GRIK4: variants seen among roughly 807,000 people sequenced by gnomAD.
GRIK4 encodes the protein glutamate ionotropic receptor kainate type subunit 4, also known as glutamate receptor ionotropic, kainate 4.
Under a neutral mutation model 104.9 loss-of-function variants are expected in GRIK4, and 40 were observed. That is an observed-to-expected ratio of 0.38 (90% CI 0.30 to 0.50). The LOEUF is 0.50. Among genes scored for constraint, GRIK4 ranks in the 20% least tolerant of loss-of-function variants. GRIK4 has a pLI of 0.93. For synonymous variants in GRIK4, 485 were observed against 524.9 expected (o/e 0.92, Z 1.04); for missense variants, 1,047 against 1,308.1 (o/e 0.80, Z 3.08).
At chr11:120,580,239 CTTTCTTTCTTTCTT>C (rs1948556659) in intron 1 of GRIK4, among the ~76,000 whole-genome samples, 1 of 139,450 alleles carries the variant, frequency 7.2e-6, no homozygotes, top group African/African-American at 2.9e-5. Context: ...TTCTTTCTTT[CTTTCTTTCTTTCTT>C]TTTCTTTCTT....
intron 6 of GRIK4, among the ~76,000 whole-genome samples, chr11:120,830,212 A>C (rs1953385777): frequency 6.7e-6 from 1 of 149,732 alleles, no homozygotes. Context: ...AAGCACAGAC[A>C]CACAACCAGC....
intron 1 of GRIK4, among the ~76,000 whole-genome samples, chr11:120,626,032 C>A (rs887455777): frequency 1.3e-5 from 2 of 152,182 alleles, no homozygotes; most frequent in Non-Finnish European, 2.9e-5. Context: ...AAAGGCTTTT[C>A]ATGGAAAGAG....
intron 4 of GRIK4, among the ~76,000 whole-genome samples, chr11:120,813,298 C>G (rs1039362844): frequency 1.3e-4 from 20 of 152,138 alleles, no homozygotes; most frequent in African/African-American, 4.6e-4. Flanking sequence ...CTCTGGGGTG[C>G]TGTGTCCTTA....
At chr11:120,839,066 G>T (rs1342585291) in intron 8 of GRIK4, among the ~76,000 whole-genome samples, 7 of 152,184 alleles carry the variant, frequency 4.6e-5, no homozygotes, top group Non-Finnish European at 8.8e-5. Context: ...GGGATTACAG[G>T]TGTGAGCCAC....
chr11:120,938,436 C>T (rs1158124643), intron 13 of GRIK4, among the ~76,000 whole-genome samples: 1 of 152,184 alleles, frequency 6.6e-6, no homozygotes, highest in Non-Finnish European at 1.5e-5. Flanking sequence ...CCATATAAGG[C>T]TCCGAGTTTG....
intron 13 of GRIK4, among the ~76,000 whole-genome samples, chr11:120,909,716 G>T (rs1310207397): frequency 6.6e-6 from 1 of 152,190 alleles, no homozygotes; most frequent in African/African-American, 2.4e-5. Context: ...GTTGACCAAG[G>T]AATCTCTTTC....
At chr11:120,882,967 C>T (rs1955008544) in intron 11 of GRIK4, among the ~76,000 whole-genome samples, 1 of 152,230 alleles carries the variant, frequency 6.6e-6, no homozygotes, top group Admixed American at 6.5e-5. Context: ...CTACTCACGT[C>T]TCCAAAACTC....
intron 19 of GRIK4, among the ~76,000 whole-genome samples, chr11:120,969,397 G>A (rs533293132): frequency 1.3e-5 from 2 of 152,276 alleles, no homozygotes; most frequent in African/African-American, 2.4e-5. Context: ...AGGCAGATAC[G>A]CACCTTGAAG....
chr11:120,900,154 C>T (rs1942693346), intron 12 of GRIK4, among the ~76,000 whole-genome samples: 2 of 152,144 alleles, frequency 1.3e-5, no homozygotes, highest in African/African-American at 4.8e-5. Flanking sequence ...TGACGATGGG[C>T]TCTGAAAGAC....
rs907260629 is a variant in GRIK4 at position 120,524,308 on chromosome 11, C to T, written c.-159+12421C>T. Reference sequence around the variant, plus strand: ...TGGGTGAACGGCTGCTTTGGTGAGCCGCTTGTCTGCAGAGGCCCTGGACTC... The same window carrying T: ...TGGGTGAACGGCTGCTTTGGTGAGCTGCTTGTCTGCAGAGGCCCTGGACTC... On this transcript the variant is annotated intron_variant, in intron 1 of 20. Transcript: ENST00000527524. The surrounding 1 kb of genome is among the most constrained non-coding windows in gnomAD (Gnocchi z 4.5). Among the ~76,000 whole-genome samples the T allele has an allele frequency of 9.2e-5, 14 of 152,222 alleles. No individual in the cohort carries two copies. The highest frequency in any genetic ancestry group is 9.6e-5 in the African/African-American group (4 of 41,542).
intron 1 of GRIK4, among the ~76,000 whole-genome samples, chr11:120,595,836 T>A (rs1005897981): frequency 2.6e-5 from 4 of 152,110 alleles, no homozygotes; most frequent in Admixed American, 6.5e-5. Context: ...GGCCCCTGAT[T>A]GCTTTTGTAT....
chr11:120,600,736 C>T (rs1429332125), intron 1 of GRIK4, among the ~76,000 whole-genome samples: 1 of 152,222 alleles, frequency 6.6e-6, no homozygotes, highest in Admixed American at 6.5e-5. Flanking sequence ...TGTTCTGATT[C>T]TCAAAGAGGT....
chr11:120,777,948 AG>A (rs1296879052), intron 3 of GRIK4, among the ~76,000 whole-genome samples: 15 of 150,570 alleles, frequency 1.0e-4, no homozygotes, highest in African/African-American at 2.9e-4. Flanking sequence ...AAAAAAAAAA[AG>A]AAAAAAAAAA....
At chr11:120,870,911 T>G (rs560144576) in intron 9 of GRIK4, 2 of 152,340 alleles carry the variant, frequency 1.3e-5, no homozygotes, top group East Asian at 3.9e-4. Flanking sequence ...CACACCCAGT[T>G]GATTTTTGTA....
chr11:120,571,527 C>T (rs1948399175), intron 1 of GRIK4, among the ~76,000 whole-genome samples: 1 of 152,114 alleles, frequency 6.6e-6, no homozygotes, highest in South Asian at 2.1e-4. Context: ...TAGTAAGTGG[C>T]AGAATTGTGA....
At chr11:120,542,206 G>T (rs796376595) in intron 1 of GRIK4, among the ~76,000 whole-genome samples, 1 of 152,182 alleles carries the variant, frequency 6.6e-6, no homozygotes, top group East Asian at 1.9e-4. Context: ...CAGTGAAGAA[G>T]GACAGTCTCT....
At chr11:120,567,320 C>T (rs763303856) in intron 1 of GRIK4, among the ~76,000 whole-genome samples, 1 of 151,658 alleles carries the variant, frequency 6.6e-6, no homozygotes, top group Non-Finnish European at 1.5e-5. Flanking sequence ...CCACTACGCC[C>T]AGCTAATTTT....
In GRIK4 at chr11:120,819,248, C is replaced by G. The variant is rs1409433992; in HGVS notation, c.346-507C>G. On this transcript the variant is annotated intron_variant, in intron 5 of 20. Coordinates refer to ENST00000527524, the MANE Select transcript of GRIK4 (RefSeq NM_014619.5). This position sits in a 1 kb window ranked among gnomAD's most constrained non-coding sequence, Gnocchi z 4.3. Reference sequence around the variant, plus strand: ...ACTTCCTCTCCCTGGGCATTCCCCACTGAAGTTTGTTGGGAGCTGGTTACT... The same window carrying G: ...ACTTCCTCTCCCTGGGCATTCCCCAGTGAAGTTTGTTGGGAGCTGGTTACT... Among the ~76,000 whole-genome samples the G allele has an allele frequency of 1.3e-5, 2 of 152,226 alleles. No individual in the cohort carries two copies. Among genetic ancestry groups the G allele is most frequent in the Non-Finnish European group, 2.9e-5 (2 of 68,046 alleles).
At chr11:120,975,164 A>G (rs963471744) in intron 19 of GRIK4, among the ~76,000 whole-genome samples, 1 of 152,248 alleles carries the variant, frequency 6.6e-6, no homozygotes, top group African/African-American at 2.4e-5. Context: ...GCATTGACTC[A>G]CAGAATCCTT....
Sources: allele counts gnomAD v4.1 joint callset (sites outside exome capture counted in the v4.1 genomes callset), GRCh38; gene constraint gnomAD v4.1.1; non-coding constraint Gnocchi (gnomAD v3.1); transcripts MANE v1.5; gene names NCBI Gene and HGNC (gene_info 2026-07-23, HGNC 2026-07-21).